CNTN3: variants seen among roughly 807,000 people sequenced by gnomAD.
The protein encoded by CNTN3 is contactin 3, also known as contactin-3.
A neutral mutation model predicts 119.1 loss-of-function variants in CNTN3; 60 were observed. The observed-to-expected ratio is 0.50, with a 90% CI of 0.41 to 0.62. The LOEUF (loss-of-function observed/expected upper bound fraction) is 0.62, where lower values mean the gene tolerates loss of function less well. CNTN3 is among the 20% of genes least tolerant of loss of function. The pLI, the probability that CNTN3 is intolerant of heterozygous loss-of-function variation, is 0.00. For missense variants in CNTN3, 1,101 were observed against 1,242.4 expected (o/e 0.89, Z 1.71); for synonymous variants, 450 against 438.7 (o/e 1.03, Z -0.32).
intron 18 of CNTN3, 67 bp downstream of exon 18, chr3:74,297,890 A>T: frequency 1.6e-6 from 2 of 1,263,942 alleles, no homozygotes; most frequent in Non-Finnish European, 2.2e-6. Context: ...ACGAGACTCC[A>T]AATCAGTTTT....
At chr3:74,266,418 A>T in intron 22 of CNTN3, 63 bp downstream of exon 22, 1 of 1,446,740 alleles carries the variant, frequency 6.9e-7, no homozygotes, top group Non-Finnish European at 9.6e-7. Context: ...ATACTGATTG[A>T]CTCACTATGG....
chr3:74,349,292 C>A (rs1703762526), intron 11 of CNTN3, among the ~76,000 whole-genome samples: 1 of 152,118 alleles, frequency 6.6e-6, no homozygotes, highest in African/African-American at 2.4e-5. Context: ...AGACATAATA[C>A]ACTGTGTTAA....
intron 20 of CNTN3, among the ~76,000 whole-genome samples, chr3:74,281,384 G>A (rs986152836): frequency 1.3e-5 from 2 of 152,094 alleles, no homozygotes; most frequent in South Asian, 2.1e-4. Context: ...ACGCTGAAGT[G>A]CAGTGGCACA....
chr3:74,553,186 T>C (rs1559655408), intron 1 of CNTN3, among the ~76,000 whole-genome samples: 2 of 150,298 alleles, frequency 1.3e-5, no homozygotes, highest in Non-Finnish European at 3.0e-5. Flanking sequence ...GCATGCAGTG[T>C]TTGGTTTTCT....
At chr3:74,285,543 T>A (rs770496956) in intron 19 of CNTN3, 52 bp from the exon 20 acceptor site, 7 of 1,524,790 alleles carry the variant, frequency 4.6e-6, no homozygotes, top group African/African-American at 1.4e-5. Flanking sequence ...TTCTGCCCTT[T>A]CCATTAAGTG....
At chr3:74,580,123 AAAC>A (rs1704480094) in intron 1 of CNTN3, among the ~76,000 whole-genome samples, 1 of 152,218 alleles carries the variant, frequency 6.6e-6, no homozygotes, top group South Asian at 2.1e-4. Context: ...TTATCGGTAT[AAAC>A]CAATAAATTC....
intron 5 of CNTN3, among the ~76,000 whole-genome samples, chr3:74,419,236 C>T (rs928444748): frequency 5.9e-5 from 9 of 152,098 alleles, no homozygotes; most frequent in African/African-American, 1.9e-4. Context: ...ATAATCACAT[C>T]CAAAAACACT....
chr3:74,549,467 G>A (rs950881884), intron 1 of CNTN3, among the ~76,000 whole-genome samples: 1 of 152,086 alleles, frequency 6.6e-6, no homozygotes, highest in Non-Finnish European at 1.5e-5. Flanking sequence ...GCAACATAGG[G>A]CAAGTATATT....
chr3:74,557,527 C>A (rs1359293541), intron 1 of CNTN3, among the ~76,000 whole-genome samples: 1 of 151,994 alleles, frequency 6.6e-6, no homozygotes, highest in Non-Finnish European at 1.5e-5. Context: ...GTTTAGGAAC[C>A]AAGGGATAGA....
At position 74,614,465 on chromosome 3, in the gene CNTN3, A is replaced by ACCG. The variant is rs979058064; in HGVS notation, c.-158_-156dup. Among the ~76,000 whole-genome samples, 14 of 89,494 alleles carry ACCG rather than the reference A, an allele frequency of 1.6e-4. No individual in the cohort carries two copies. Among genetic ancestry groups the ACCG allele is most frequent in the East Asian group, 5.6e-4 (2 of 3,598 alleles). The allele number at this position is 89,494 out of a possible 152,430, so 58.7% of individuals were successfully genotyped here. ...CGCCGCCGCCGCCGCCGCCGCCGCC[A>ACCG]CCGCCGCCGCCGCAGTTAGTCCGGG... On this transcript the variant is annotated 5_prime_UTR_variant, in exon 1 of 23. Transcript: ENST00000263665.
chr3:74,417,924 T>C (rs1409216029), intron 5 of CNTN3, among the ~76,000 whole-genome samples: 3 of 152,200 alleles, frequency 2.0e-5, no homozygotes, highest in Non-Finnish European at 2.9e-5. Flanking sequence ...ACCTAACTGT[T>C]TGCCATGACA....
At chr3:74,571,279 T>A (rs767985291) in intron 1 of CNTN3, among the ~76,000 whole-genome samples, 2 of 152,128 alleles carry the variant, frequency 1.3e-5, no homozygotes, top group African/African-American at 2.4e-5. Context: ...CAGCAGCAGC[T>A]CTCCACTTGA....
intron 13 of CNTN3, among the ~76,000 whole-genome samples, chr3:74,315,262 C>T (rs186923690): frequency 7.9e-5 from 12 of 152,152 alleles, no homozygotes; most frequent in African/African-American, 2.7e-4. Context: ...TAATCCATCC[C>T]TTGTTTAGCA....
chr3:74,315,002 AC>A (rs920557420), intron 13 of CNTN3, among the ~76,000 whole-genome samples: 4 of 152,214 alleles, frequency 2.6e-5, no homozygotes, highest in Non-Finnish European at 5.9e-5. Flanking sequence ...CATTGGTAAA[AC>A]AAAAATGTAG....
rs1388375275 is a variant in CNTN3 at position 74,335,032 on chromosome 3, A to G, written c.1493-122T>C. The G allele has an allele frequency of 1.5e-5, 8 of 542,772 alleles. No homozygotes were observed. The South Asian group carries it at 1.6e-4, about 11-fold the overall frequency. The allele number at this position is 542,772 out of a possible 1,614,324, so 33.6% of individuals were successfully genotyped here. On this transcript the variant is annotated intron_variant, in intron 12 of 22. Transcript: ENST00000263665. ...TGTAGATGCATATACATAAATATAC[A>G]TACATCTATATAATTAAAAGTATTC... is the stretch of plus-strand genomic sequence containing the variant.
intron 1 of CNTN3, among the ~76,000 whole-genome samples, chr3:74,576,859 T>C (rs112720826): frequency 2.0e-5 from 3 of 152,236 alleles, no homozygotes; most frequent in African/African-American, 7.2e-5. Flanking sequence ...ACTGGAAACA[T>C]ACAATATTTA....
At chr3:74,461,253 G>A (rs1324730512) in intron 4 of CNTN3, among the ~76,000 whole-genome samples, 1 of 151,954 alleles carries the variant, frequency 6.6e-6, no homozygotes, top group Non-Finnish European at 1.5e-5. Flanking sequence ...TAGAATTTAA[G>A]TTGCTAATAT....
At chr3:74,603,707 T>C (rs980258284) in intron 1 of CNTN3, among the ~76,000 whole-genome samples, 3 of 152,050 alleles carry the variant, frequency 2.0e-5, no homozygotes, top group East Asian at 3.9e-4. Flanking sequence ...GTTTATGGAC[T>C]AGAAGAAATA....
In CNTN3 at chr3:74,484,984, T is replaced by C. The variant is rs9856710; in HGVS notation, c.358+1472A>G. Among the ~76,000 whole-genome samples the C allele has an allele frequency of 5.6e-3, 851 of 152,226 alleles. 8 individuals carry two copies. The highest frequency in any genetic ancestry group is 0.02 in the African/African-American group (814 of 41,550). On this transcript the variant is annotated intron_variant, in intron 4 of 22. Coordinates refer to ENST00000263665, the MANE Select transcript of CNTN3 (RefSeq NM_020872.3). ...ATTGAGAAATTTTAAGAAATAAGAA[T>C]ATAAAAATAAGAAGAGGTCTAGTAG...
Sources: gnomAD v4.1 joint callset for allele counts (sites outside exome capture counted in the v4.1 genomes callset) on GRCh38, gnomAD v4.1.1 for gene constraint, MANE v1.5 for transcripts, NCBI Gene and HGNC (gene_info 2026-07-23, HGNC 2026-07-21) for gene names.